Variants in APP observed in about 807,000 individuals in gnomAD.
APP encodes the protein amyloid beta precursor protein.
A neutral mutation model predicts 101.4 loss-of-function variants in APP; 31 were observed. That is an observed-to-expected ratio of 0.31 (90% CI 0.23 to 0.41). The LOEUF (loss-of-function observed/expected upper bound fraction) is 0.41, where lower values mean the gene tolerates loss of function less well. APP is among the 10% of genes least tolerant of loss of function. The pLI, the probability that APP is intolerant of heterozygous loss-of-function variation, is 1.00. For missense variants in APP, 839 were observed against 1,003.7 expected (o/e 0.84, Z 2.22); for synonymous variants, 366 against 364.4 (o/e 1.00, Z -0.05).
chr21:25,939,971 CAGTAG>C (rs1689540080), intron 13 of APP, among the ~76,000 whole-genome samples: 2 of 152,134 alleles, frequency 1.3e-5, no homozygotes, highest in South Asian at 4.1e-4. Context: ...TCTAAGGCCA[CAGTAG>C]AGTATAGTAT....
At chr21:25,929,179 G>A (rs1569069120) in intron 13 of APP, among the ~76,000 whole-genome samples, 1 of 152,182 alleles carries the variant, frequency 6.6e-6, no homozygotes, top group Non-Finnish European at 1.5e-5. Context: ...ATTTCAAGGT[G>A]ATTGTTACGT....
In APP at chr21:25,918,393, A is replaced by G. The variant is rs1005759764; in HGVS notation, c.1688-6431T>C. Among the ~76,000 whole-genome samples the G allele has an allele frequency of 2.0e-5, 3 of 152,236 alleles. No homozygotes were observed. In the East Asian group the frequency reaches 5.8e-4, roughly 29 times the overall value. ...GAGGTGGGAGCCAAGATGGCCGAAT[A>G]GGAACAGCTCCGGTCTACAGCTCCC... On this transcript the variant is annotated intron_variant, in intron 13 of 17. Transcript: ENST00000346798.
At chr21:26,007,446 T>C (rs1045929069) in intron 6 of APP, among the ~76,000 whole-genome samples, 1 of 147,524 alleles carries the variant, frequency 6.8e-6, no homozygotes, top group African/African-American at 2.4e-5. Flanking sequence ...TTATAAATTA[T>C]ATATTATATA....
intron 8 of APP, among the ~76,000 whole-genome samples, chr21:25,983,602 C>T (rs1183050255): frequency 1.3e-5 from 2 of 152,168 alleles, no homozygotes; most frequent in Admixed American, 1.3e-4. Flanking sequence ...TAACTAAAAC[C>T]GGAAGGCTGT....
intron 1 of APP, among the ~76,000 whole-genome samples, chr21:26,135,899 C>T (rs942999297): frequency 1.3e-5 from 2 of 151,776 alleles, no homozygotes; most frequent in Admixed American, 6.6e-5. Context: ...GCTGGGTGGC[C>T]GAGGCAGGCG....
chr21:25,993,934 A>G (rs925866654), intron 8 of APP, among the ~76,000 whole-genome samples: 1 of 152,236 alleles, frequency 6.6e-6, no homozygotes, highest in Non-Finnish European at 1.5e-5. Flanking sequence ...AATAGTGCTG[A>G]GGTTGAGAAA....
chr21:26,139,158 A>G (rs185401504), intron 1 of APP, among the ~76,000 whole-genome samples: 2 of 152,332 alleles, frequency 1.3e-5, no homozygotes, highest in African/African-American at 2.4e-5. Context: ...TAAGTAAATA[A>G]GTAAAAAAAA....
At chr21:25,980,313 T>C (rs1312667144) in intron 9 of APP, among the ~76,000 whole-genome samples, 8 of 152,206 alleles carry the variant, frequency 5.3e-5, no homozygotes, top group Admixed American at 3.3e-4. Context: ...AGTGGATTTG[T>C]GAGGGCACAG....
At chr21:26,062,586 G>T (rs889989152) in intron 3 of APP, among the ~76,000 whole-genome samples, 4 of 138,216 alleles carry the variant, frequency 2.9e-5, no homozygotes, top group African/African-American at 1.1e-4. Flanking sequence ...CGCCTGAGCC[G>T]GGGAAGCAGA....
chr21:26,151,972 G>A (rs1473059904), intron 1 of APP, among the ~76,000 whole-genome samples: 2 of 152,018 alleles, frequency 1.3e-5, no homozygotes, highest in African/African-American at 2.4e-5. Flanking sequence ...GGCTAGAAAT[G>A]CCAAATAAAA....
intron 11 of APP, among the ~76,000 whole-genome samples, chr21:25,963,288 C>T (rs1327187176): frequency 1.3e-5 from 2 of 152,198 alleles, no homozygotes; most frequent in Admixed American, 1.3e-4. Context: ...TATTACTTGA[C>T]AGTTCACGTG....
At chr21:26,069,166 A>G (rs1317478253) in intron 3 of APP, among the ~76,000 whole-genome samples, 1 of 152,204 alleles carries the variant, frequency 6.6e-6, no homozygotes, top group Non-Finnish European at 1.5e-5. Context: ...CCCCACAACA[A>G]GAGGAGGTCA....
rs201668897 is a variant in APP, at chr21:25,982,358, C to G, written c.1210G>C (p.Glu404Gln). 9 of 1,613,852 alleles carry G rather than the reference C, an allele frequency of 5.6e-6. No homozygotes were observed. The Admixed American group carries it at 1.5e-4, about 27-fold the overall frequency. The change falls in exon 9 of 18, where the codon GAG becomes CAG. Residue 404 changes from glutamate to glutamine, a missense_variant. Coordinates refer to ENST00000346798, the MANE Select transcript of APP (RefSeq NM_000484.4). Reference protein sequence around the residue: ...AKERLEAKHRERMSQVMREWE... With the variant: ...AKERLEAKHRQRMSQVMREWE... ...GCCAGACTTACCTGGGACATTCTCTCTCGGTGCTTGGCCTCAAGCCTCTCT... is the reference window on the plus strand; with the variant it reads ...GCCAGACTTACCTGGGACATTCTCTGTCGGTGCTTGGCCTCAAGCCTCTCT...
chr21:26,167,760 C>A (rs1405396300), intron 1 of APP, among the ~76,000 whole-genome samples: 1 of 152,186 alleles, frequency 6.6e-6, no homozygotes, highest in Admixed American at 6.5e-5. Context: ...TCAGTCAGGA[C>A]CAGTATTATT....
At chr21:26,067,771 T>TTA (rs994977739) in intron 3 of APP, among the ~76,000 whole-genome samples, 41 of 152,344 alleles carry the variant, frequency 2.7e-4, no homozygotes, top group African/African-American at 9.6e-4. Context: ...CTACTTTAGC[T>TTA]TAGTTCAGTC....
chr21:26,140,347 A>G (rs2063016707), intron 1 of APP: 2 of 1,509,098 alleles, frequency 1.3e-6, no homozygotes, highest in East Asian at 2.5e-5. Flanking sequence ...CAGCATGTCA[A>G]CACTAACCCA....
At chr21:26,084,043 T>C (rs2061650600) in intron 3 of APP, among the ~76,000 whole-genome samples, 1 of 151,990 alleles carries the variant, frequency 6.6e-6, no homozygotes, top group Non-Finnish European at 1.5e-5. Flanking sequence ...GAAACACCAC[T>C]ACGCTTCCTT....
In APP at chr21:25,997,361, T is replaced by C; in HGVS notation, c.1089A>G (p.Lys363=). The C allele has an allele frequency of 6.2e-7, 1 of 1,613,764 alleles. No individual in the cohort carries two copies. Among genetic ancestry groups the C allele is most frequent in the Non-Finnish European group, 8.5e-7 (1 of 1,179,666 alleles). The stretch of plus-strand genomic sequence containing the variant: ...TCCCTCAGGTGAATGACAACGTACG[T>C]TTAACAGGATCTCGGGCAAGAGGTT... ...TQEPLARDPV[K]LPTTAASTPD... Residue 363 remains lysine, a splice_region_variant and synonymous_variant, in exon 8 of 18, where the codon AAA becomes AAG. Coordinates refer to ENST00000346798, the MANE Select transcript of APP (RefSeq NM_000484.4).
At chr21:25,884,459 G>A (rs1212798302) in intron 17 of APP, among the ~76,000 whole-genome samples, 1 of 152,206 alleles carries the variant, frequency 6.6e-6, no homozygotes, top group Non-Finnish European at 1.5e-5. Context: ...TTCCTTTGCT[G>A]TGCACTGTTG....
Sources: gnomAD v4.1 joint callset for allele counts (sites outside exome capture counted in the v4.1 genomes callset) on GRCh38, gnomAD v4.1.1 for gene constraint, MANE v1.5 for transcripts, NCBI Gene and HGNC (gene_info 2026-07-23, HGNC 2026-07-21) for gene names.